Variants in CPNE6 observed in about 807,000 individuals in gnomAD.
CPNE6 encodes the protein copine 6, also known as copine-6.
CPNE6 carries 33 observed loss-of-function variants against 71.5 expected under a neutral mutation model. The ratio of observed to expected loss-of-function variants is 0.46; its 90% confidence interval spans 0.35 to 0.62. The LOEUF is 0.62. CPNE6 is among the 20% of genes least tolerant of loss of function. The pLI is 0.00. For missense variants in CPNE6, 576 were observed against 747.3 expected, an observed-to-expected ratio of 0.77 and a Z score of 2.67; for synonymous variants, 296 against 293.0, an observed-to-expected ratio of 1.01 and a Z score of -0.10.
At position 24,075,785 on chromosome 14, in the gene CPNE6, G is replaced by A; in HGVS notation, c.865-42G>A. 6.3e-7 allele frequency: 1 copy of A among 1,591,886 alleles called. No individual in the cohort carries two copies. Among genetic ancestry groups the A allele is most frequent in the East Asian group, 2.2e-5 (1 of 44,722 alleles). On this transcript the variant is annotated intron_variant, in intron 10 of 17. Coordinates refer to ENST00000397016, the Ensembl canonical transcript of CPNE6. The surrounding 1 kb of genome is among the most constrained non-coding windows in gnomAD (Gnocchi z 4.3). ...CCCTACCCAAGCTCCCTCCTCAAAG[G>A]ACCACCCCATCCCCTCGCCTTACCC...
chr14:24,076,886 A>G (rs199953499), exon 15 of CPNE6: 651 of 1,612,920 alleles, frequency 4.0e-4, no homozygotes, highest in Non-Finnish European at 5.2e-4. Context: ...CAGAGATCTC[A>G]GGGGTCATCG....
At position 24,074,932 on chromosome 14, in the gene CPNE6, C is replaced by A; in HGVS notation, c.672+137C>A. ...TCCCACTGTGGGATAAATAATAGGT[C>A]ACAGCTCAATGTTAAACTTCCCACA... On this transcript the variant is annotated intron_variant, in intron 8 of 17. Coordinates refer to ENST00000397016, the Ensembl canonical transcript of CPNE6. This position sits in a 1 kb window ranked among gnomAD's most constrained non-coding sequence, Gnocchi z 4.5. 2.6e-6 allele frequency: 2 copies of A among 783,144 alleles called. No individual in the cohort carries two copies. Among genetic ancestry groups the A allele is most frequent in the Non-Finnish European group, 4.3e-6 (2 of 468,390 alleles). The allele number at this position is 783,144 out of a possible 1,614,324, so 48.5% of individuals were successfully genotyped here. A position where few individuals can be genotyped will look rare whatever the true frequency, so the allele number is the denominator to read the frequency against.
chr14:24,074,141 T>C lies in CPNE6; in HGVS notation c.423+16T>C. The C allele has an allele frequency of 6.2e-7, 1 of 1,613,166 alleles. No individual in the cohort carries two copies. The highest frequency in any genetic ancestry group is 8.5e-7 in the Non-Finnish European group (1 of 1,179,112). ...CACCATCACGGTAGGCAAGATCACC[T>C]GTACTCACCCTTGGTCCAGGTATTC... is the stretch of plus-strand genomic sequence containing the variant. On this transcript the variant is annotated intron_variant, in intron 5 of 17. Transcript: ENST00000397016. The surrounding 1 kb of genome is among the most constrained non-coding windows in gnomAD (Gnocchi z 4.5).
chr14:24,073,264 T>G lies in CPNE6; in HGVS notation c.168+160T>G. 1 of 932,894 alleles carries G rather than the reference T, an allele frequency of 1.1e-6. No individual in the cohort carries two copies. Among genetic ancestry groups the G allele is most frequent in the Non-Finnish European group, 1.5e-6 (1 of 662,460 alleles). The allele number at this position is 932,894 out of a possible 1,614,324, so 57.8% of individuals were successfully genotyped here. On this transcript the variant is annotated intron_variant, in intron 3 of 17. Coordinates refer to ENST00000397016, the Ensembl canonical transcript of CPNE6. This position sits in a 1 kb window ranked among gnomAD's most constrained non-coding sequence, Gnocchi z 5.5. ...CTGGAGATGGTGTCCCAGAGGGTCC[T>G]GAGATTGACCCAGAGGCAGTGGGGT...
rs2035960602 is a variant in CPNE6, at chr14:24,073,327, A to C, written c.169-172A>C. On this transcript the variant is annotated intron_variant, in intron 3 of 17. Transcript: ENST00000397016. The surrounding 1 kb of genome is among the most constrained non-coding windows in gnomAD (Gnocchi z 5.5). Reference sequence around the variant, plus strand: ...CCTCATGATAGCCCGGAGGACTGAGAGTCCAGTGGGCAGGCAGCACCCCAA... The same window carrying C: ...CCTCATGATAGCCCGGAGGACTGAGCGTCCAGTGGGCAGGCAGCACCCCAA... 6.6e-6 allele frequency among the ~76,000 whole-genome samples: 1 copy of C among 152,168 alleles called. No homozygotes were observed. The highest frequency in any genetic ancestry group is 6.5e-5 in the Admixed American group (1 of 15,280).
At position 24,076,226 on chromosome 14, in the gene CPNE6, C is replaced by A. The variant is rs775839367; in HGVS notation, c.1002C>A (p.Pro334=). ...TGCACTGCCTCAGTCCCCGACAGCC[C>A]AACCACTACCTGCAGGCCCTGCGTG... The change falls in exon 12 of 18, where the codon CCC becomes CCA. Residue 334 remains proline, a synonymous_variant. Coordinates refer to ENST00000397016, the Ensembl canonical transcript of CPNE6. 30 of 1,614,102 alleles carry A rather than the reference C, an allele frequency of 1.9e-5. No individual in the cohort carries two copies. In the East Asian group the frequency reaches 3.1e-4, roughly 17 times the overall value.
rs986104623 is a variant in CPNE6 at position 24,077,096 on chromosome 14, C to T, written c.1300-58C>T. 76 of 1,594,582 alleles carry T rather than the reference C, an allele frequency of 4.8e-5. No individual in the cohort carries two copies. The highest frequency in any genetic ancestry group is 6.0e-5 in the Non-Finnish European group (70 of 1,174,282). On this transcript the variant is annotated intron_variant, in intron 15 of 17. Coordinates refer to ENST00000397016, the Ensembl canonical transcript of CPNE6. The surrounding 1 kb of genome is among the most constrained non-coding windows in gnomAD (Gnocchi z 6.1). ...GCCAGGGTCTGCACCTTGGTGGAAA[C>T]GGTGTCAACGCCCTTGCACACAAAG...
In CPNE6 at chr14:24,076,011, T is replaced by C; in HGVS notation, c.924+125T>C. 6 of 1,493,480 alleles carry C rather than the reference T, an allele frequency of 4.0e-6. No individual in the cohort carries two copies. The East Asian group carries it at 1.4e-4, about 34-fold the overall frequency. 92.5% of individuals were successfully genotyped at this position (1,493,480 alleles called of 1,614,324 possible). ...CATGAGCCTTCGCATTGTCAGCTTATGCACCCCCACATCATTATGTGGCTA... is the reference window on the plus strand; with the variant it reads ...CATGAGCCTTCGCATTGTCAGCTTACGCACCCCCACATCATTATGTGGCTA... On this transcript the variant is annotated intron_variant, in intron 11 of 17. Coordinates refer to ENST00000397016, the Ensembl canonical transcript of CPNE6.
chr14:24,077,405 C>T lies in CPNE6; in HGVS notation c.1536+15C>T. 1 of 1,609,216 alleles carries T rather than the reference C, an allele frequency of 6.2e-7. No homozygotes were observed. The highest frequency in any genetic ancestry group is 8.5e-7 in the Non-Finnish European group (1 of 1,175,738). On this transcript the variant is annotated intron_variant, in intron 16 of 17. Transcript: ENST00000397016. The surrounding 1 kb of genome is among the most constrained non-coding windows in gnomAD (Gnocchi z 6.1). The stretch of plus-strand genomic sequence containing the variant: ...ACTTCAAGGATGTGAGTCCCCCGGG[C>T]CCCTTCCGGCTGAAGGACTCCTCAG...
chr14:24,077,188 T>C lies in CPNE6; in HGVS notation c.1334T>C (p.Val445Ala), dbSNP rs1310498131. The C allele has an allele frequency of 1.2e-6, 2 of 1,608,668 alleles. No individual in the cohort carries two copies. Among genetic ancestry groups the C allele is most frequent in the Non-Finnish European group, 1.7e-6 (2 of 1,179,860 alleles). Residue 445 changes from valine to alanine, a missense_variant, in exon 16 of 18, where the codon GTG becomes GCG. Transcript: ENST00000397016. This position sits in a 1 kb window ranked among gnomAD's most constrained non-coding sequence, Gnocchi z 6.1. ...GTGCTGCTGGTGCTCACTGACGGTGTGGTGAGCGACATGGCTGAGACTCGC... is the reference window on the plus strand; with the variant it reads ...GTGCTGCTGGTGCTCACTGACGGTGCGGTGAGCGACATGGCTGAGACTCGC...
chr14:24,074,326 T>C lies in CPNE6; in HGVS notation c.459T>C (p.Tyr153=), dbSNP rs560243756. Residue 153 remains tyrosine (Y), a synonymous_variant, in exon 6 of 18, where the codon TAT becomes TAC. Transcript: ENST00000397016. The surrounding 1 kb of genome is among the most constrained non-coding windows in gnomAD (Gnocchi z 4.5). Reference sequence around the variant, plus strand: ...AGGAGGTATCAGGCACAAACGACTATGTGCAACTCACCTTCAGAGCCTACA... The same window carrying C: ...AGGAGGTATCAGGCACAAACGACTACGTGCAACTCACCTTCAGAGCCTACA... 1.3e-5 allele frequency: 21 copies of C among 1,567,628 alleles called. No homozygotes were observed. The East Asian group carries it at 3.6e-4, about 27-fold the overall frequency.
rs1317383220 is a variant in CPNE6, at chr14:24,074,440, C to A, written c.498+75C>A. On this transcript the variant is annotated intron_variant, in intron 6 of 17. Coordinates refer to ENST00000397016, the Ensembl canonical transcript of CPNE6. The surrounding 1 kb of genome is among the most constrained non-coding windows in gnomAD (Gnocchi z 4.5). ...TCCCACTCAAGACAGATCCCAGGAG[C>A]CCAGGCCTGCTCTCTTCCCAGTGGG... 1 of 1,569,984 alleles carries A rather than the reference C, an allele frequency of 6.4e-7. No individual in the cohort carries two copies. Among genetic ancestry groups the A allele is most frequent in the South Asian group, 1.1e-5 (1 of 86,984 alleles).
Position 24,076,144 on chromosome 14 carries a change from C to A in CPNE6, c.925-5C>A. 6.2e-7 allele frequency: 1 copy of A among 1,612,668 alleles called. No homozygotes were observed. Among genetic ancestry groups the A allele is most frequent in the Non-Finnish European group, 8.5e-7 (1 of 1,179,336 alleles). ...CAGCATGACCTTCTTCCCACCCCCA[C>A]CCAGGTGGCCATTGACTTCACCGCC... On this transcript the variant is annotated splice_polypyrimidine_tract_variant and splice_region_variant and intron_variant, in intron 11 of 17. Coordinates refer to ENST00000397016, the Ensembl canonical transcript of CPNE6.
chr14:24,074,830 G>C lies in CPNE6; in HGVS notation c.672+35G>C, dbSNP rs766074694. 3 of 1,573,142 alleles carry C rather than the reference G, an allele frequency of 1.9e-6. No homozygotes were observed. Among genetic ancestry groups the C allele is most frequent in the Admixed American group, 1.8e-5 (1 of 57,008 alleles). On this transcript the variant is annotated intron_variant, in intron 8 of 17. Transcript: ENST00000397016. This position sits in a 1 kb window ranked among gnomAD's most constrained non-coding sequence, Gnocchi z 4.5. ...CAGCCAAGCCAGCACAGCCTACTTA[G>C]AGCAACCAATCTGCTATCTAAGACC... is the stretch of plus-strand genomic sequence containing the variant.
rs2035997065 is a variant in CPNE6, at chr14:24,074,449, GCT to G, written c.499-77_499-76del. ...AGACAGATCCCAGGAGCCCAGGCCTGCTCTCTTCCCAGTGGGAGCCCATCCCC... is the reference window on the plus strand; with the variant it reads ...AGACAGATCCCAGGAGCCCAGGCCTGCTCTTCCCAGTGGGAGCCCATCCCC... On this transcript the variant is annotated intron_variant, in intron 6 of 17. Transcript: ENST00000397016. This position sits in a 1 kb window ranked among gnomAD's most constrained non-coding sequence, Gnocchi z 4.5. 1 of 1,582,400 alleles carries G rather than the reference GCT, an allele frequency of 6.3e-7. No individual in the cohort carries two copies. Among genetic ancestry groups the G allele is most frequent in the African/African-American group, 1.3e-5 (1 of 74,394 alleles).
Position 24,074,208 on chromosome 14 carries a change from A to AC in CPNE6, c.424-81dup. ...CACCTATGGTGACATCATGCCCAGG[A>AC]CCACCCCCACCTAAGGGAAAGGGGA... On this transcript the variant is annotated intron_variant, in intron 5 of 17. Coordinates refer to ENST00000397016, the Ensembl canonical transcript of CPNE6. The surrounding 1 kb of genome is among the most constrained non-coding windows in gnomAD (Gnocchi z 4.5). The AC allele has an allele frequency of 6.3e-7, 1 of 1,591,448 alleles. No individual in the cohort carries two copies. The highest frequency in any genetic ancestry group is 8.6e-7 in the Non-Finnish European group (1 of 1,159,442).
In CPNE6 at chr14:24,075,035, C is replaced by A; in HGVS notation, c.673-137C>A. 1.3e-6 allele frequency: 1 copy of A among 771,818 alleles called. No homozygotes were observed. Among genetic ancestry groups the A allele is most frequent in the Non-Finnish European group, 2.2e-6 (1 of 444,568 alleles). The allele number at this position is 771,818 out of a possible 1,614,324, so 47.8% of individuals were successfully genotyped here. ...AAGTTCAGCAGGTGGCCTCTCCGGG[C>A]AGGCTGAGGATGTCTGTTTGGGCAT... On this transcript the variant is annotated intron_variant, in intron 8 of 17. Transcript: ENST00000397016. This position sits in a 1 kb window ranked among gnomAD's most constrained non-coding sequence, Gnocchi z 4.3.
chr14:24,076,627 T>G (rs1210573742), intron 14 of CPNE6, 70 bp downstream of exon 13: 8 of 1,589,326 alleles, frequency 5.0e-6, no homozygotes, highest in Non-Finnish European at 6.9e-6. Context: ...CAGACTCCAC[T>G]CCCCAGGGCC....
exon 3 of CPNE6, chr14:24,072,970 C>T: frequency 1.3e-6 from 2 of 1,585,764 alleles, no homozygotes; most frequent in East Asian, 2.4e-5. Flanking sequence ...GGTGCCTGAG[C>T]CCCCAACCAT....
Sources: allele counts gnomAD v4.1 joint callset (sites outside exome capture counted in the v4.1 genomes callset), GRCh38; gene constraint gnomAD v4.1.1; non-coding constraint Gnocchi (gnomAD v3.1); transcripts MANE v1.5; gene names NCBI Gene and HGNC (gene_info 2026-07-23, HGNC 2026-07-21).